The following ZNF30 variants were observed in gnomAD, a reference collection of about 807,000 sequenced individuals.
ZNF30 encodes the protein zinc finger protein 30 (KOX 28).
Under a neutral mutation model 13.2 loss-of-function variants are expected in ZNF30, and 15 were observed. The observed-to-expected ratio is 1.13, with a 90% CI of 0.76 to 1.75. ZNF30 has a LOEUF of 1.75. ZNF30 is among the 40% of genes most tolerant of loss of function. The probability of loss-of-function intolerance (pLI) is 0.00; values close to 1 mark genes in which losing one functional copy is unlikely to be tolerated. For synonymous variants in ZNF30, 223 were observed against 256.6 expected (o/e 0.87, Z 1.25); for missense variants, 726 against 757.0 (o/e 0.96, Z 0.48).
rs560673749 is a variant in ZNF30, at chr19:34,927,050, T to C, written c.-231T>C. ...CAATCTCTGCCTCCTCGCCAGTTCA[T>C]TGTGGTCGTTGACCCGGCAGCGAGC... On this transcript the variant is annotated 5_prime_UTR_variant, in exon 1 of 5. Transcript: ENST00000601142. 1.8e-5 allele frequency: 7 copies of C among 398,510 alleles called. No homozygotes were observed. In the South Asian group the frequency reaches 3.8e-4, roughly 22 times the overall value. The allele number at this position is 398,510 out of a possible 1,614,324, so 24.7% of individuals were successfully genotyped here. A position where few individuals can be genotyped will look rare whatever the true frequency, so the allele number is the denominator to read the frequency against.
chr19:34,943,298 A>T lies in ZNF30; in HGVS notation c.332A>T (p.His111Leu). 1 of 1,613,892 alleles carries T rather than the reference A, an allele frequency of 6.2e-7. No homozygotes were observed. The highest frequency in any genetic ancestry group is 1.1e-5 in the South Asian group (1 of 91,072). ...GAAAACTGTCCATCTTTTGCTCTAC[A>T]TCAGAAAATAAGTAGACAGAAACCA... Reference protein sequence around the residue: ...TSENCPSFALHQKISRQKPRE... With the variant: ...TSENCPSFALLQKISRQKPRE... The change falls in exon 5 of 5, where the codon CAT (histidine) becomes CTT (leucine). Residue 111 changes from histidine (H) to leucine (L), a missense_variant. By Grantham distance (99) the His-to-Leu change is moderately conservative. Transcript: ENST00000601142.
In ZNF30 at chr19:34,944,590, T is replaced by G. The variant is rs995984528; in HGVS notation, c.1624T>G (p.Cys542Gly). The part of the protein sequence containing the change: ...RIHTGEKPYE[C>G]NKCGKAFTVY... ...TCATACTGGGGAGAAACCCTATGAA[T>G]GTAACAAATGTGGGAAAGCCTTTAC... is the stretch of plus-strand genomic sequence containing the variant. The change falls in exon 5 of 5, where the codon TGT becomes GGT. Residue 542 changes from cysteine (C) to glycine (G), a missense_variant. Physicochemically the swap from Cys to Gly is radical, Grantham distance 159. Transcript: ENST00000601142. 1 of 1,614,050 alleles carries G rather than the reference T, an allele frequency of 6.2e-7. No individual in the cohort carries two copies. Among genetic ancestry groups the G allele is most frequent in the Non-Finnish European group, 8.5e-7 (1 of 1,180,010 alleles).
chr19:34,942,652 C>T (rs1257241146), intron 4 of ZNF30: 1 of 1,289,008 alleles, frequency 7.8e-7, no homozygotes, highest in African/African-American at 1.5e-5. Context: ...GCGATGATGC[C>T]ACCTGCACAT....
In ZNF30 at chr19:34,944,939, G is replaced by A. The variant is rs1249616078; in HGVS notation, c.*101G>A. The A allele has an allele frequency of 2.7e-6, 3 of 1,096,256 alleles. No homozygotes were observed. Among genetic ancestry groups the A allele is most frequent in the Non-Finnish European group, 3.8e-6 (3 of 790,674 alleles). 67.9% of individuals were successfully genotyped at this position (1,096,256 alleles called of 1,614,324 possible). ...AAACTTTCAAATGTGAAGAATATTG[G>A]CAGGTCTATTCTCATCTTATAATTC... is the stretch of plus-strand genomic sequence containing the variant. On this transcript the variant is annotated 3_prime_UTR_variant, in exon 5 of 5. Coordinates refer to ENST00000601142, the MANE Select transcript of ZNF30 (RefSeq NM_194325.3).
At chr19:34,935,845 A>G (rs533411328) in intron 4 of ZNF30, among the ~76,000 whole-genome samples, 52 of 152,164 alleles carry the variant, frequency 3.4e-4, no homozygotes, top group African/African-American at 1.2e-3. Context: ...AACATACCCA[A>G]GACTGGGTAA....
At chr19:34,930,920 C>G (rs1568536042) in intron 2 of ZNF30, among the ~76,000 whole-genome samples, 1 of 151,688 alleles carries the variant, frequency 6.6e-6, no homozygotes, top group Non-Finnish European at 1.5e-5. Flanking sequence ...TTGTATGACA[C>G]TATCAGCATA....
chr19:34,944,305 C>A lies in ZNF30; in HGVS notation c.1339C>A (p.Gln447Lys). 6.2e-7 allele frequency: 1 copy of A among 1,613,696 alleles called. No individual in the cohort carries two copies. Among genetic ancestry groups the A allele is most frequent in the Non-Finnish European group, 8.5e-7 (1 of 1,179,968 alleles). The change falls in exon 5 of 5, where the codon CAA (glutamine) becomes AAA (lysine). Residue 447 changes from glutamine (Q) to lysine (K), a missense_variant. Transcript: ENST00000601142. ...FISRHQLTVH[Q>K]RVHTGEKPYE... Reference sequence around the variant, plus strand: ...TAGTCGCCATCAGCTTACCGTACATCAAAGGGTTCATACTGGAGAGAAACC... The same window carrying A: ...TAGTCGCCATCAGCTTACCGTACATAAAAGGGTTCATACTGGAGAGAAACC...
rs1028726608 is a variant in ZNF30, at chr19:34,934,404, C to T, written c.256+681C>T. Among the ~76,000 whole-genome samples the T allele has an allele frequency of 2.6e-5, 4 of 152,250 alleles. No individual in the cohort carries two copies. The East Asian group carries it at 7.7e-4, about 29-fold the overall frequency. ...TCAGCCTCCTGAGTAGCTGGGACTA[C>T]AGGCACACACCACCACACCTGGCTA... On this transcript the variant is annotated intron_variant, in intron 4 of 4. Transcript: ENST00000601142.
chr19:34,934,599 CTAT>C (rs962130991), intron 4 of ZNF30, among the ~76,000 whole-genome samples: 3 of 152,160 alleles, frequency 2.0e-5, no homozygotes, highest in Non-Finnish European at 4.4e-5. Context: ...TAACTAGAAA[CTAT>C]GACCTAATTT....
At chr19:34,938,799 C>T (rs1056861506) in intron 4 of ZNF30, among the ~76,000 whole-genome samples, 4 of 152,150 alleles carry the variant, frequency 2.6e-5, no homozygotes, top group South Asian at 2.1e-4. Context: ...AGCTTGCCAG[C>T]GGGGCAGCCT....
Position 34,944,760 on chromosome 19 carries a change from CA to C in ZNF30, c.1800del (p.Lys600AsnfsTer16). The C allele has an allele frequency of 6.2e-7, 1 of 1,612,110 alleles. No individual in the cohort carries two copies. The highest frequency in any genetic ancestry group is 8.5e-7 in the Non-Finnish European group (1 of 1,179,318). ...ACACTGGTGAGAAACCCTTTAAATGCAAAAAATGTGGGAAGACCTTTAGATA... is the reference window on the plus strand; with the variant it reads ...ACACTGGTGAGAAACCCTTTAAATGCAAAAATGTGGGAAGACCTTTAGATA... ...VHTGEKPFKC[K>X]KCGKTFRYSS... is the part of the protein sequence containing the mutation. On this transcript the variant is annotated frameshift_variant, in exon 5 of 5. Coordinates refer to ENST00000601142, the MANE Select transcript of ZNF30 (RefSeq NM_194325.3). LOFTEE classifies it high-confidence loss of function.
chr19:34,933,801 C>A, intron 4 of ZNF30, 78 bp downstream of exon 4: 1 of 1,014,912 alleles, frequency 9.9e-7, no homozygotes, highest in Non-Finnish European at 1.5e-6. Flanking sequence ...TGCATCTCTG[C>A]AATGTTTGGA....
At position 34,944,817 on chromosome 19, in the gene ZNF30, AC is replaced by A; in HGVS notation, c.1852del (p.His618IlefsTer2). On this transcript the variant is annotated frameshift_variant, in exon 5 of 5. Transcript: ENST00000601142. LOFTEE classifies it high-confidence loss of function. ...SSALKVHLRK[H>X]MSVIP ...CAGCCCTTAAAGTGCATCTGAGAAA[AC>A]ATATGAGTGTTATACCCTAAGAGTC... The A allele has an allele frequency of 6.2e-7, 1 of 1,603,448 alleles. No homozygotes were observed. Among genetic ancestry groups the A allele is most frequent in the Admixed American group, 1.7e-5 (1 of 59,574 alleles).
rs1259072570 is a variant in ZNF30 at position 34,944,544 on chromosome 19, C to A, written c.1578C>A (p.Tyr526Ter). Residue 526 changes from tyrosine (Y) to a stop codon, truncating the protein, a stop_gained, in exon 5 of 5, where the codon TAC (tyrosine) becomes TAA (stop). Coordinates refer to ENST00000601142, the MANE Select transcript of ZNF30 (RefSeq NM_194325.3). LOFTEE classifies it low-confidence loss of function (END_TRUNC). ...ECGKAFSSGS[Y>*]LVQHQRIHTG... ...GCAAGGCCTTCAGTTCTGGCTCATACCTTGTTCAGCATCAAAGAATTCATA... is the reference window on the plus strand; with the variant it reads ...GCAAGGCCTTCAGTTCTGGCTCATAACTTGTTCAGCATCAAAGAATTCATA... 6.2e-7 allele frequency: 1 copy of A among 1,613,962 alleles called. No individual in the cohort carries two copies. Among genetic ancestry groups the A allele is most frequent in the Non-Finnish European group, 8.5e-7 (1 of 1,180,022 alleles).
At chr19:34,928,234 T>G (rs1253350421) in intron 1 of ZNF30, among the ~76,000 whole-genome samples, 1 of 69,154 alleles carries the variant, frequency 1.4e-5, no homozygotes, top group Middle Eastern at 6.9e-3. Context: ...TATATATATA[T>G]ATATATATAT....
In ZNF30 at chr19:34,944,148, C is replaced by A. The variant is rs767560899; in HGVS notation, c.1182C>A (p.His394Gln). 5 of 1,613,454 alleles carry A rather than the reference C, an allele frequency of 3.1e-6. No individual in the cohort carries two copies. In the African/African-American group the frequency reaches 6.7e-5, roughly 22 times the overall value. The change falls in exon 5 of 5, where the codon CAC becomes CAA. Residue 394 changes from histidine (H) to glutamine (Q), a missense_variant. Physicochemically the swap from His to Gln is conservative, Grantham distance 24. Coordinates refer to ENST00000601142, the MANE Select transcript of ZNF30 (RefSeq NM_194325.3). The stretch of plus-strand genomic sequence containing the variant: ...ATCTTGTTCAACATGGAAGACTTCA[C>A]ACTGGCGAGAAGCCCTATGAATGTA... ...ASYLVQHGRL[H>Q]TGEKPYECKE...
At position 34,927,212 on chromosome 19, in the gene ZNF30, C is replaced by T. The variant is rs2012121010; in HGVS notation, c.-69C>T. On this transcript the variant is annotated 5_prime_UTR_variant, in exon 1 of 5. Transcript: ENST00000601142. ...TGTCGGCGCGGAACCCGGACTGAGA[C>T]ATGCGTGAGCGTTGGGTGGACCGGG... 4 of 383,434 alleles carry T rather than the reference C, an allele frequency of 1.0e-5. No individual in the cohort carries two copies. The highest frequency in any genetic ancestry group is 6.2e-5 in the African/African-American group (3 of 48,192). The allele number at this position is 383,434 out of a possible 1,614,324, so 23.8% of individuals were successfully genotyped here.
chr19:34,942,418 G>C (rs1204012256), intron 4 of ZNF30, among the ~76,000 whole-genome samples: 1 of 151,602 alleles, frequency 6.6e-6, no homozygotes, highest in East Asian at 1.9e-4. Flanking sequence ...CTGCACTCCA[G>C]CCGGGGCAAG....
At chr19:34,929,601 G>C (rs931222591) in intron 1 of ZNF30, among the ~76,000 whole-genome samples, 5 of 152,198 alleles carry the variant, frequency 3.3e-5, no homozygotes, top group African/African-American at 1.2e-4. Flanking sequence ...ATCTGTTCAA[G>C]AGAAGACTGT....
Sources: allele counts gnomAD v4.1 joint callset (sites outside exome capture counted in the v4.1 genomes callset), GRCh38; gene constraint gnomAD v4.1.1; transcripts MANE v1.5; gene names NCBI Gene and HGNC (gene_info 2026-07-23, HGNC 2026-07-21).